CACNA1C: variants seen among roughly 807,000 people sequenced by gnomAD.
The protein encoded by CACNA1C is voltage-dependent L-type calcium channel subunit alpha-1C.
In CACNA1C, 30 loss-of-function variants were observed where a neutral mutation model predicts 229.0. The observed-to-expected ratio is 0.13, with a 90% CI of 0.10 to 0.18. CACNA1C has a LOEUF of 0.18. Among genes scored for constraint, CACNA1C ranks in the 10% least tolerant of loss-of-function variants. The pLI is 1.00. For missense variants in CACNA1C, 1,658 were observed against 2,845.0 expected, an observed-to-expected ratio of 0.58 and a Z score of 9.49; for synonymous variants, 1,114 against 1,132.5, an observed-to-expected ratio of 0.98 and a Z score of 0.33.
At chr12:2,136,076 G>GC (rs1380528435) in intron 3 of CACNA1C, among the ~76,000 whole-genome samples, 1 of 151,088 alleles carries the variant, frequency 6.6e-6, no homozygotes, top group Non-Finnish European at 1.5e-5. Context: ...TTTTCCAGGT[G>GC]CGTCCGTCAC....
intron 3 of CACNA1C, among the ~76,000 whole-genome samples, chr12:2,386,046 G>A (rs921317332): frequency 6.6e-6 from 1 of 152,232 alleles, no homozygotes; most frequent in African/African-American, 2.4e-5. Flanking sequence ...TTTGCCTGAT[G>A]CCTTTACTAC....
chr12:2,193,207 C>G (rs1237305347), intron 3 of CACNA1C, among the ~76,000 whole-genome samples: 3 of 152,242 alleles, frequency 2.0e-5, no homozygotes, highest in Admixed American at 6.5e-5. Flanking sequence ...GAAATTCCAG[C>G]ACTTTGGGAG....
At chr12:2,090,064 C>T (rs183973696) in intron 1 of CACNA1C, among the ~76,000 whole-genome samples, 1 of 152,182 alleles carries the variant, frequency 6.6e-6, no homozygotes, top group East Asian at 1.9e-4. Flanking sequence ...TGTAACTACA[C>T]ACCCATTAAA....
intron 3 of CACNA1C, among the ~76,000 whole-genome samples, chr12:2,299,986 C>T (rs1226502525): frequency 6.6e-6 from 1 of 152,208 alleles, no homozygotes; most frequent in Non-Finnish European, 1.5e-5. Flanking sequence ...TCATCATCAG[C>T]ACTATCATTT....
At position 2,595,895 on chromosome 12, in the gene CACNA1C, C is replaced by T; in HGVS notation, c.2685C>T (p.Arg895=). ...ACAGGTTTCGCCTCCAGTGCCACCGCATTGTCAATGACACGATCTTCACCA... is the reference window on the plus strand; with the variant it reads ...ACAGGTTTCGCCTCCAGTGCCACCGTATTGTCAATGACACGATCTTCACCA... The part of the protein sequence containing the change: ...SNNRFRLQCH[R]IVNDTIFTNL... Residue 895 remains arginine, a synonymous_variant, in exon 20 of 47, where the codon CGC becomes CGT. Coordinates refer to ENST00000399655, the MANE Select transcript of CACNA1C (RefSeq NM_000719.7). The surrounding 1 kb of genome is among the most constrained non-coding windows in gnomAD (Gnocchi z 4.1). 2 of 1,613,650 alleles carry T rather than the reference C, an allele frequency of 1.2e-6. No individual in the cohort carries two copies. The highest frequency in any genetic ancestry group is 2.2e-5 in the South Asian group (2 of 91,042).
intron 9 of CACNA1C, among the ~76,000 whole-genome samples, chr12:2,516,247 C>G (rs1310269674): frequency 6.6e-6 from 1 of 152,076 alleles, no homozygotes; most frequent in African/African-American, 2.4e-5. Context: ...GCTGATGAAT[C>G]CGGAGCTGAG....
chr12:2,247,606 C>T (rs773858167), intron 3 of CACNA1C, among the ~76,000 whole-genome samples: 6 of 152,196 alleles, frequency 3.9e-5, no homozygotes, highest in African/African-American at 7.2e-5. Context: ...GCAGCCACGG[C>T]GAAATCTAGA....
At chr12:2,171,376 C>T (rs1371326652) in intron 3 of CACNA1C, among the ~76,000 whole-genome samples, 1 of 152,106 alleles carries the variant, frequency 6.6e-6, no homozygotes, top group Non-Finnish European at 1.5e-5. Flanking sequence ...CACACGCCAT[C>T]CCCACATGCT....
intron 38 of CACNA1C, among the ~76,000 whole-genome samples, chr12:2,669,540 C>T (rs2096438366): frequency 6.6e-6 from 1 of 152,166 alleles, no homozygotes; most frequent in South Asian, 2.1e-4. Flanking sequence ...GAGGGTATAG[C>T]TCACAAAACA....
intron 13 of CACNA1C, among the ~76,000 whole-genome samples, chr12:2,576,286 G>A (rs2058357301): frequency 6.6e-6 from 1 of 152,180 alleles, no homozygotes; most frequent in Admixed American, 6.5e-5. Context: ...GAAAGTTGAT[G>A]CCAATGATGG....
intron 11 of CACNA1C, among the ~76,000 whole-genome samples, chr12:2,563,497 A>C (rs1477061971): frequency 1.3e-5 from 2 of 152,186 alleles, no homozygotes; most frequent in African/African-American, 4.8e-5. Flanking sequence ...TTCAAGCTAG[A>C]GCAGAACACT....
intron 3 of CACNA1C, among the ~76,000 whole-genome samples, chr12:2,384,187 C>A (rs1228496788): frequency 6.6e-6 from 1 of 152,254 alleles, no homozygotes; most frequent in African/African-American, 2.4e-5. Flanking sequence ...GCAGGTGACT[C>A]ATCTGCATGC....
intron 37 of CACNA1C, 48 bp from the exon 38 acceptor site, chr12:2,668,885 T>C: frequency 7.7e-7 from 1 of 1,297,076 alleles, no homozygotes; most frequent in East Asian, 2.3e-5. Context: ...TGCGGTCCCC[T>C]AAGCACCGCC....
intron 3 of CACNA1C, among the ~76,000 whole-genome samples, chr12:2,269,583 C>T (rs945725318): frequency 6.6e-6 from 1 of 152,206 alleles, no homozygotes; most frequent in South Asian, 2.1e-4. Context: ...AAGCCAGGAA[C>T]CAGCTTCTAA....
intron 3 of CACNA1C, among the ~76,000 whole-genome samples, chr12:2,148,808 G>A (rs2094960577): frequency 7.1e-6 from 1 of 141,014 alleles, no homozygotes; most frequent in African/African-American, 2.5e-5. Context: ...GACCTCCAAA[G>A]TACCCTCCCT....
chr12:2,356,747 C>A (rs1196106776), intron 3 of CACNA1C, among the ~76,000 whole-genome samples: 1 of 152,246 alleles, frequency 6.6e-6, no homozygotes, highest in Non-Finnish European at 1.5e-5. Context: ...TGCGTCCAGG[C>A]AGGGGCTGGA....
rs958127025 is a variant in CACNA1C at position 2,694,868 on chromosome 12, G to A, written c.*3669G>A. 1.3e-5 allele frequency: 2 copies of A among 152,210 alleles called. No homozygotes were observed. The highest frequency in any genetic ancestry group is 2.9e-5 in the Non-Finnish European group (2 of 68,052). The allele number at this position is 152,210 out of a possible 1,614,324, so 9.4% of individuals were successfully genotyped here. A position where few individuals can be genotyped will look rare whatever the true frequency, so the allele number is the denominator to read the frequency against. On this transcript the variant is annotated 3_prime_UTR_variant, in exon 47 of 47. Coordinates refer to ENST00000399655, the MANE Select transcript of CACNA1C (RefSeq NM_000719.7). ...AGATACACAGCCACCACTCCTAAAG[G>A]CAAAGAAAGAAAACACGAATGTAGG...
chr12:2,016,775 G>C lies in CACNA1C; in HGVS notation c.139+45574G>C, dbSNP rs150607554. Among the ~76,000 whole-genome samples, 175 of 152,272 alleles carry C rather than the reference G, an allele frequency of 1.1e-3. 1 individual carries two copies. Among genetic ancestry groups the C allele is most frequent in the Admixed American group, 1.9e-3 (29 of 15,294 alleles). Reference sequence around the variant, plus strand: ...CAGTACCTGATCTACCAGGCAATCTGGGTCACCAAAATCCTAATATAGTTT... The same window carrying C: ...CAGTACCTGATCTACCAGGCAATCTCGGTCACCAAAATCCTAATATAGTTT... On this transcript the variant is annotated intron_variant, in intron 1 of 46. Transcript: ENST00000682462.
At chr12:2,681,969 T>C in intron 42 of CACNA1C, 1 of 1,607,940 alleles carries the variant, frequency 6.2e-7, no homozygotes, top group East Asian at 2.2e-5. Flanking sequence ...CGTTCCGATG[T>C]GTGAGGATCT....
Sources: gnomAD v4.1 joint callset for allele counts (sites outside exome capture counted in the v4.1 genomes callset) on GRCh38, gnomAD v4.1.1 for gene constraint, Gnocchi (gnomAD v3.1) non-coding constraint, MANE v1.5 for transcripts, NCBI Gene and HGNC (gene_info 2026-07-23, HGNC 2026-07-21) for gene names.